LMO7: variants seen among roughly 807,000 people sequenced by gnomAD.
The protein encoded by LMO7 is LIM domain only protein 7.
A neutral mutation model predicts 206.5 loss-of-function variants in LMO7; 120 were observed. The observed-to-expected ratio is 0.58, with a 90% confidence interval of 0.50 to 0.68. LMO7 has a LOEUF of 0.68. Among genes scored for constraint, LMO7 ranks in the 30% least tolerant of loss-of-function variants. The pLI is 0.00. For missense variants in LMO7, 1,959 were observed against 1,957.9 expected (o/e 1.00, Z -0.01); for synonymous variants, 706 against 681.5 (o/e 1.04, Z -0.56).
intron 1 of LMO7, among the ~76,000 whole-genome samples, chr13:75,678,632 C>G (rs771677920): frequency 5.9e-5 from 9 of 152,168 alleles, no homozygotes; most frequent in African/African-American, 1.9e-4. Flanking sequence ...CACACCTCTT[C>G]GGTGAGACCA....
intron 1 of LMO7, among the ~76,000 whole-genome samples, chr13:75,665,228 T>G (rs1291654969): frequency 6.6e-6 from 1 of 152,098 alleles, no homozygotes; most frequent in Non-Finnish European, 1.5e-5. Flanking sequence ...TTCAGAAAAA[T>G]TTTGAAGTTT....
intron 3 of LMO7, among the ~76,000 whole-genome samples, chr13:75,760,102 C>T (rs866245059): frequency 6.6e-6 from 1 of 151,110 alleles, no homozygotes; most frequent in South Asian, 2.1e-4. Context: ...TAAGTTAATT[C>T]TGGTAACCAA....
chr13:75,788,402 C>T (rs545220395), intron 4 of LMO7, among the ~76,000 whole-genome samples: 68 of 141,896 alleles, frequency 4.8e-4, no homozygotes, highest in Non-Finnish European at 6.1e-4. Flanking sequence ...TGCAATGAGC[C>T]GAGATTGTGC....
At chr13:75,622,987 TA>T (rs201857365) in intron 1 of LMO7, among the ~76,000 whole-genome samples, 1 of 152,194 alleles carries the variant, frequency 6.6e-6, no homozygotes, top group South Asian at 2.1e-4. Flanking sequence ...TGCAGTTATT[TA>T]AAAAATGATA....
intron 4 of LMO7, among the ~76,000 whole-genome samples, chr13:75,777,609 A>G (rs1308427578): frequency 6.7e-6 from 1 of 149,982 alleles, no homozygotes; most frequent in African/African-American, 2.5e-5. Flanking sequence ...ATTCAGATAA[A>G]TTATTTGAAT....
At chr13:75,705,348 A>G (rs1179149310) in intron 1 of LMO7, among the ~76,000 whole-genome samples, 1 of 152,248 alleles carries the variant, frequency 6.6e-6, no homozygotes, top group East Asian at 1.9e-4. Context: ...TTAAAAGTGT[A>G]TCATGTGAGA....
In LMO7 at chr13:75,858,054, A is replaced by AG. The variant is rs534769681; in HGVS notation, c.*112dup. On this transcript the variant is annotated 3_prime_UTR_variant, in exon 31 of 31. Coordinates refer to ENST00000377534, the MANE Select transcript of LMO7 (RefSeq NM_001306080.2). Reference sequence around the variant, plus strand: ...CTTTTTTGCTTTTTTTTTAAAAAAAAGAATAACTTTTTTTGCCTCTTTAGA... The same window carrying AG: ...CTTTTTTGCTTTTTTTTTAAAAAAAAGGAATAACTTTTTTTGCCTCTTTAGA... The AG allele has an allele frequency of 5.2e-6, 7 of 1,346,474 alleles. No homozygotes were observed. In the South Asian group the frequency reaches 7.8e-5, roughly 15 times the overall value. The allele number at this position is 1,346,474 out of a possible 1,614,324, so 83.4% of individuals were successfully genotyped here.
chr13:75,850,891 T>G (rs1222024773), intron 27 of LMO7, among the ~76,000 whole-genome samples: 2 of 152,154 alleles, frequency 1.3e-5, no homozygotes, highest in African/African-American at 4.8e-5. Context: ...GGCTGTAATT[T>G]GCTGTCCCCT....
intron 1 of LMO7, among the ~76,000 whole-genome samples, chr13:75,653,696 A>G (rs2037788021): frequency 6.6e-6 from 1 of 152,220 alleles, no homozygotes; most frequent in Non-Finnish European, 1.5e-5. Flanking sequence ...AGCAGTCTGT[A>G]GTGGCTCAGG....
At chr13:75,821,725 G>A (rs1360258116) in intron 14 of LMO7, 116 bp downstream of exon 14, 2 of 636,582 alleles carry the variant, frequency 3.1e-6, no homozygotes, top group Admixed American at 3.2e-5. Context: ...CATATATAAG[G>A]ACATTTTATT....
At chr13:75,850,747 A>G (rs1462180188) in intron 27 of LMO7, among the ~76,000 whole-genome samples, 1 of 152,174 alleles carries the variant, frequency 6.6e-6, no homozygotes. Flanking sequence ...GCTTTTATGT[A>G]TAAGGACTAG....
intron 1 of LMO7, among the ~76,000 whole-genome samples, chr13:75,707,335 T>C (rs900578409): frequency 1.3e-5 from 2 of 152,066 alleles, no homozygotes. Context: ...TCATAAACTT[T>C]CCCAATTTTT....
intron 3 of LMO7, among the ~76,000 whole-genome samples, chr13:75,759,800 T>G (rs1205805505): frequency 6.6e-6 from 1 of 152,044 alleles, no homozygotes; most frequent in Non-Finnish European, 1.5e-5. Context: ...TTTAGCCACT[T>G]TATCTTAGGA....
chr13:75,757,041 C>T (rs569897503), intron 3 of LMO7, among the ~76,000 whole-genome samples: 10 of 152,258 alleles, frequency 6.6e-5, no homozygotes, highest in Non-Finnish European at 1.2e-4. Context: ...GTGTAACCAA[C>T]AGGATGTTGA....
At chr13:75,840,977 G>T in intron 22 of LMO7, 132 bp from the exon 23 acceptor site, 1 of 629,276 alleles carries the variant, frequency 1.6e-6, no homozygotes, top group South Asian at 2.2e-5. Context: ...AATCTGATTG[G>T]CTTATGAAAA....
intron 7 of LMO7, 86 bp from the exon 8 acceptor site, chr13:75,804,203 G>A (rs71434809): frequency 0.045 from 62,057 of 1,393,916 alleles, 1,534 homozygotes; most frequent in Non-Finnish European, 0.048. Flanking sequence ...GGGTTTCTAA[G>A]GGAAAGACAA....
chr13:75,713,102 TATTA>T (rs1257624437), intron 1 of LMO7, 76 bp from the exon 2 acceptor site: 4 of 913,280 alleles, frequency 4.4e-6, no homozygotes, highest in South Asian at 3.1e-5. Context: ...ATTAAATGCA[TATTA>T]ATTAATCTAA....
Position 75,804,241 on chromosome 13 carries a change from A to T in LMO7, c.662-48A>T, listed in dbSNP as rs1475332460. ...CAGGCGCGCTGTGTGGGTTTCAGTT[A>T]GGCGAATAATCTGGAGAGTAAAGCA... On this transcript the variant is annotated intron_variant, in intron 7 of 30. Coordinates refer to ENST00000377534, the MANE Select transcript of LMO7 (RefSeq NM_001306080.2). 3 of 1,576,350 alleles carry T rather than the reference A, an allele frequency of 1.9e-6. No individual in the cohort carries two copies. The Admixed American group carries it at 5.2e-5, about 27-fold the overall frequency.
At chr13:75,784,267 A>G (rs2140400234) in intron 4 of LMO7, among the ~76,000 whole-genome samples, 1 of 152,354 alleles carries the variant, frequency 6.6e-6, no homozygotes, top group Non-Finnish European at 1.5e-5. Flanking sequence ...AACCTTTGGC[A>G]TAAATCAAAT....
Sources: gnomAD v4.1 joint callset for allele counts (sites outside exome capture counted in the v4.1 genomes callset) on GRCh38, gnomAD v4.1.1 for gene constraint, MANE v1.5 for transcripts, NCBI Gene and HGNC (gene_info 2026-07-23, HGNC 2026-07-21) for gene names.